Variants in SETD4 observed in about 807,000 individuals in gnomAD.
SETD4 encodes the protein SET domain containing 4.
SETD4 carries 46 observed loss-of-function variants against 58.3 expected under a neutral mutation model. That is an observed-to-expected ratio of 0.79 (90% confidence interval 0.62 to 1.01). The LOEUF is 1.01. Ranked by LOEUF, SETD4 falls within the 50% of genes least tolerant of loss-of-function variation. The pLI is 0.00. For synonymous variants in SETD4, 190 were observed against 202.6 expected (o/e 0.94, Z 0.53); for missense variants, 490 against 523.3 (o/e 0.94, Z 0.62).
At chr21:36,042,102 G>C (rs944588903) in intron 7 of SETD4, 1 of 357,250 alleles carries the variant, frequency 2.8e-6, no homozygotes, top group Non-Finnish European at 5.0e-6. Context: ...AAGGCTGGAG[G>C]ACTAAACACG....
Position 36,038,242 on chromosome 21 carries a change from C to A in SETD4, c.1096G>T (p.Val366Leu), listed in dbSNP as rs2063874865. 6.2e-7 allele frequency: 1 copy of A among 1,613,812 alleles called. No individual in the cohort carries two copies. The highest frequency in any genetic ancestry group is 1.3e-5 in the African/African-American group (1 of 74,904). Residue 366 changes from valine to leucine, a missense_variant, in exon 10 of 12, where the codon GTA (valine) becomes TTA (leucine). Transcript: ENST00000332131. The stretch of plus-strand genomic sequence containing the variant: ...GTCTTCTCATTCGTATCTGAAATTA[C>A]CTCCCCAAGAAGTACTTTTTTCCAG... ...TCWKKVLLGE[V>L]ISDTNEKTSL...
At chr21:36,043,592 A>G (rs1226227942) in intron 7 of SETD4, 190 bp downstream of exon 7, 2 of 1,403,540 alleles carry the variant, frequency 1.4e-6, no homozygotes, top group Admixed American at 3.2e-5. Flanking sequence ...ATCAGTCAAA[A>G]CTTCGTTGTT....
At chr21:36,041,909 C>A in intron 7 of SETD4, 21 bp from the exon 8 acceptor site, 2 of 948,834 alleles carry the variant, frequency 2.1e-6, no homozygotes, top group Admixed American at 2.9e-5. Context: ...AAAAAAAAAT[C>A]AGACTGTTAG....
At chr21:36,054,621 T>A (rs2064888363) in intron 3 of SETD4, among the ~76,000 whole-genome samples, 1 of 151,932 alleles carries the variant, frequency 6.6e-6, no homozygotes, top group African/African-American at 2.4e-5. Flanking sequence ...AAGTCCTCCA[T>A]CGGTTTCCTG....
chr21:36,059,109 G>C (rs1444855440), intron 1 of SETD4, 185 bp from the exon 2 acceptor site: 14 of 605,538 alleles, frequency 2.3e-5, no homozygotes, highest in Middle Eastern at 4.8e-4. Context: ...CGTTTATACT[G>C]TGAGCTAAAT....
In SETD4 at chr21:36,048,408, G is replaced by A; in HGVS notation, c.208-12C>T. 2.5e-6 allele frequency: 4 copies of A among 1,613,566 alleles called. No homozygotes were observed. The highest frequency in any genetic ancestry group is 3.4e-6 in the Non-Finnish European group (4 of 1,179,562). ...ATCATCTGTCCCTCCTGGCCAAAAGGAAAGTAAAGTTGAGGACGCCTATGC... is the reference window on the plus strand; with the variant it reads ...ATCATCTGTCCCTCCTGGCCAAAAGAAAAGTAAAGTTGAGGACGCCTATGC... On this transcript the variant is annotated splice_polypyrimidine_tract_variant and intron_variant, in intron 4 of 11. Coordinates refer to ENST00000332131, the MANE Select transcript of SETD4 (RefSeq NM_017438.5).
At chr21:36,055,966 A>C (rs1234882168) in intron 3 of SETD4, among the ~76,000 whole-genome samples, 1 of 152,182 alleles carries the variant, frequency 6.6e-6, no homozygotes, top group Non-Finnish European at 1.5e-5. Context: ...TCATCTGGGG[A>C]AAAACTCTGT....
chr21:36,048,618 T>C (rs1439796076), intron 4 of SETD4, among the ~76,000 whole-genome samples: 1 of 151,764 alleles, frequency 6.6e-6, no homozygotes, highest in Non-Finnish European at 1.5e-5. Flanking sequence ...CCAACAAAAA[T>C]GAAAGGTCAA....
intron 4 of SETD4, 181 bp downstream of exon 4, chr21:36,053,402 T>C: frequency 4.6e-6 from 3 of 652,146 alleles, no homozygotes; most frequent in Non-Finnish European, 8.0e-6. Context: ...ACCTCAATTT[T>C]GGGCTTGTCT....
chr21:36,058,834 T>C lies in SETD4; in HGVS notation c.55A>G (p.Ser19Gly). The change falls in exon 2 of 12, where the codon AGT (serine) becomes GGT (glycine). Residue 19 changes from serine to glycine, a missense_variant. Ser to Gly is a moderately conservative substitution (Grantham distance 56). Transcript: ENST00000332131. Reference sequence around the variant, plus strand: ...ACCATACCTCCTCTTGATTCAGAACTTCCGCAGAGTTTTCGTCTTCTGATC... The same window carrying C: ...ACCATACCTCCTCTTGATTCAGAACCTCCGCAGAGTTTTCGTCTTCTGATC... ...SRIRRRKLCG[S>G]SESRGVNESH... The C allele has an allele frequency of 2.5e-6, 4 of 1,602,000 alleles. No individual in the cohort carries two copies. The highest frequency in any genetic ancestry group is 3.4e-6 in the Non-Finnish European group (4 of 1,175,926).
At chr21:36,047,663 A>G (rs1381587937) in intron 5 of SETD4, among the ~76,000 whole-genome samples, 1 of 151,866 alleles carries the variant, frequency 6.6e-6, no homozygotes, top group Non-Finnish European at 1.5e-5. Flanking sequence ...AAGCCTATTA[A>G]AAACCTTAGA....
chr21:36,054,623 G>T (rs78468228), intron 3 of SETD4, among the ~76,000 whole-genome samples: 1 of 130,502 alleles, frequency 7.7e-6, no homozygotes, highest in Non-Finnish European at 1.7e-5. Flanking sequence ...GTCCTCCATC[G>T]GTTTCCTGGC....
intron 8 of SETD4, 151 bp from the exon 9 acceptor site, chr21:36,040,806 T>A: frequency 1.6e-6 from 1 of 637,218 alleles, no homozygotes; most frequent in South Asian, 1.8e-5. Context: ...AAAATCAGTC[T>A]GCAAATACTT....
chr21:36,045,733 A>T lies in SETD4; in HGVS notation c.575T>A (p.Phe192Tyr). ...PLFAEAVDSI[F>Y]SYSALLWAWC... is the part of the protein sequence containing the mutation. ...AGCCCACAGCAGGGCACTGTAGCTG[A>T]AGATGCTGTCAACAGCCTCCGCAAA... The change falls in exon 6 of 12, where the codon TTC becomes TAC. Residue 192 changes from phenylalanine to tyrosine, a missense_variant. By Grantham distance (22) the Phe-to-Tyr change is conservative. Transcript: ENST00000332131. 1 of 1,614,210 alleles carries T rather than the reference A, an allele frequency of 6.2e-7. No individual in the cohort carries two copies. Among genetic ancestry groups the T allele is most frequent in the South Asian group, 1.1e-5 (1 of 91,082 alleles).
In SETD4 at chr21:36,045,861, G is replaced by A. The variant is rs145303498; in HGVS notation, c.447C>T (p.Asn149=). The change falls in exon 6 of 12, where the codon AAC becomes AAT. Residue 149 remains asparagine (N), a synonymous_variant. Transcript: ENST00000332131. The part of the protein sequence containing the change: ...CPVCLEPEVV[N]LLPKSLKAKA... ...TTGCTTTTAAAGATTTGGGAAGAAGGTTCACCACTTCCGGCTCCAAACAAA... is the reference window on the plus strand; with the variant it reads ...TTGCTTTTAAAGATTTGGGAAGAAGATTCACCACTTCCGGCTCCAAACAAA... 26 of 1,614,050 alleles carry A rather than the reference G, an allele frequency of 1.6e-5. No individual in the cohort carries two copies. Among genetic ancestry groups the A allele is most frequent in the Non-Finnish European group, 2.0e-5 (24 of 1,180,042 alleles).
intron 3 of SETD4, among the ~76,000 whole-genome samples, chr21:36,056,597 C>T (rs951688056): frequency 6.6e-6 from 1 of 152,186 alleles, no homozygotes; most frequent in Non-Finnish European, 1.5e-5. Context: ...CTCACTCTAT[C>T]GCCCAAGCTG....
rs752879070 is a variant in SETD4, at chr21:36,045,971, A to G, written c.337T>C (p.Phe113Leu). ...CCAGCATGCTTTTCTGAAACTAAAA[A>G]GGTGCACAGCGCCAGCAGAGGAGAT... ...PPSPLLALCT[F>L]LVSEKHAGHR... The change falls in exon 6 of 12, where the codon TTT becomes CTT. Residue 113 changes from phenylalanine to leucine, a missense_variant. Phe to Leu is a conservative substitution (Grantham distance 22, BLOSUM62 0). Transcript: ENST00000332131. The G allele has an allele frequency of 6.2e-7, 1 of 1,614,168 alleles. No homozygotes were observed. The highest frequency in any genetic ancestry group is 2.2e-5 in the East Asian group (1 of 44,888).
chr21:36,053,329 G>A (rs780173041), intron 4 of SETD4: 7 of 544,250 alleles, frequency 1.3e-5, no homozygotes, highest in Non-Finnish European at 2.0e-5. Context: ...ACCAGCCAGG[G>A]TCAGCCTACT....
rs1290796738 is a variant in SETD4, at chr21:36,040,601, C to T, written c.1038G>A (p.Lys346=). ...GPSWRLLTAL[K]LLCLEAEKFT... The stretch of plus-strand genomic sequence containing the variant: ...ATTTCTCAGCTTCCAGACATAACAA[C>T]TTAAGGGCTGTGAGTAGCCTCCAAG... The change falls in exon 9 of 12, where the codon AAG becomes AAA. Residue 346 remains lysine, a synonymous_variant. Transcript: ENST00000332131. 1 of 1,613,888 alleles carries T rather than the reference C, an allele frequency of 6.2e-7. No homozygotes were observed. The highest frequency in any genetic ancestry group is 8.5e-7 in the Non-Finnish European group (1 of 1,179,826).
Sources: allele counts gnomAD v4.1 joint callset (sites outside exome capture counted in the v4.1 genomes callset), GRCh38; gene constraint gnomAD v4.1.1; transcripts MANE v1.5; gene names NCBI Gene and HGNC (gene_info 2026-07-23, HGNC 2026-07-21).